The following ALK variants were observed in gnomAD, a reference collection of about 807,000 sequenced individuals.
ALK encodes the protein ALK receptor tyrosine kinase, also known as ALK tyrosine kinase receptor.
ALK carries 74 observed loss-of-function variants against 163.1 expected under a neutral mutation model. The ratio of observed to expected loss-of-function variants is 0.45; its 90% CI spans 0.38 to 0.55. ALK has a LOEUF of 0.55. Ranked by LOEUF, ALK falls within the 20% of genes least tolerant of loss-of-function variation. ALK has a pLI of 0.00. For synonymous variants in ALK, 960 were observed against 843.2 expected (o/e 1.14, Z -2.40); for missense variants, 2,063 against 2,105.3 (o/e 0.98, Z 0.39).
chr2:29,550,795 G>A (rs755102589), intron 3 of ALK, among the ~76,000 whole-genome samples: 1 of 152,060 alleles, frequency 6.6e-6, no homozygotes, highest in Non-Finnish European at 1.5e-5. Flanking sequence ...TTTATCTGTA[G>A]TCCTACCAAT....
At chr2:29,687,063 C>T (rs1275370109) in intron 3 of ALK, among the ~76,000 whole-genome samples, 1 of 152,038 alleles carries the variant, frequency 6.6e-6, no homozygotes, top group Non-Finnish European at 1.5e-5. Context: ...GAAGGCCACA[C>T]ATCCACCCAG....
chr2:29,259,878 A>AC (rs1268098190), intron 11 of ALK, among the ~76,000 whole-genome samples: 1 of 151,964 alleles, frequency 6.6e-6, no homozygotes, highest in Non-Finnish European at 1.5e-5. Flanking sequence ...TCTATGTTGG[A>AC]TCTTCATGTA....
At chr2:29,518,577 G>T (rs969325882) in intron 4 of ALK, among the ~76,000 whole-genome samples, 2 of 152,186 alleles carry the variant, frequency 1.3e-5, no homozygotes, top group African/African-American at 2.4e-5. Flanking sequence ...GCTAGCGAAA[G>T]GGTGAGCCAG....
chr2:29,881,108 A>G (rs915106611), intron 1 of ALK, among the ~76,000 whole-genome samples: 1 of 152,186 alleles, frequency 6.6e-6, no homozygotes. Flanking sequence ...AGCTCATGCT[A>G]GATGCACCTG....
At chr2:29,514,628 T>A (rs1333893887) in intron 4 of ALK, among the ~76,000 whole-genome samples, 1 of 152,170 alleles carries the variant, frequency 6.6e-6, no homozygotes, top group Non-Finnish European at 1.5e-5. Context: ...ACTCAACATC[T>A]CAAAACTGAA....
At chr2:29,555,158 T>C (rs1673815589) in intron 3 of ALK, among the ~76,000 whole-genome samples, 1 of 152,144 alleles carries the variant, frequency 6.6e-6, no homozygotes, top group African/African-American at 2.4e-5. Context: ...GAATTCTTCT[T>C]GTATGAGATC....
intron 4 of ALK, among the ~76,000 whole-genome samples, chr2:29,509,946 TAAG>T (rs1190271893): frequency 6.6e-6 from 1 of 152,166 alleles, no homozygotes; most frequent in South Asian, 2.1e-4. Context: ...TGGCACTTTG[TAAG>T]AAGAAGAATG....
At chr2:29,844,910 A>G (rs1665802702) in intron 1 of ALK, among the ~76,000 whole-genome samples, 1 of 151,328 alleles carries the variant, frequency 6.6e-6, no homozygotes, top group Admixed American at 6.6e-5. Context: ...CACACAGTAC[A>G]CACACTGCTC....
chr2:29,781,164 C>G (rs551356528), intron 1 of ALK, among the ~76,000 whole-genome samples: 1 of 152,164 alleles, frequency 6.6e-6, no homozygotes. Context: ...TAAAAGACAC[C>G]CACTTACTAT....
At chr2:29,581,933 G>T (rs753863407) in intron 3 of ALK, among the ~76,000 whole-genome samples, 1 of 152,226 alleles carries the variant, frequency 6.6e-6, no homozygotes, top group Non-Finnish European at 1.5e-5. Context: ...GGGCATGGGT[G>T]GTGCCTCTGC....
At chr2:29,896,144 G>A (rs1667263246) in intron 1 of ALK, among the ~76,000 whole-genome samples, 2 of 152,226 alleles carry the variant, frequency 1.3e-5, no homozygotes, top group African/African-American at 4.8e-5. Flanking sequence ...ACAAGCTCTT[G>A]GGGAGCACAA....
At chr2:29,242,960 G>A (rs1347870726) in intron 12 of ALK, among the ~76,000 whole-genome samples, 1 of 152,196 alleles carries the variant, frequency 6.6e-6, no homozygotes, top group Non-Finnish European at 1.5e-5. Flanking sequence ...CTGCCTACCT[G>A]AAATAATTGC....
chr2:29,479,189 G>A (rs550632544), intron 4 of ALK, among the ~76,000 whole-genome samples: 7 of 151,932 alleles, frequency 4.6e-5, no homozygotes, highest in Admixed American at 2.0e-4. Context: ...TGATGTCCCC[G>A]AAATGATGGC....
At chr2:29,551,271 G>A (rs1673707106) in intron 3 of ALK, among the ~76,000 whole-genome samples, 1 of 152,132 alleles carries the variant, frequency 6.6e-6, no homozygotes, top group South Asian at 2.1e-4. Context: ...GATTAGTTAT[G>A]TAAAGTATGG....
intron 3 of ALK, among the ~76,000 whole-genome samples, chr2:29,619,583 T>C (rs1351239874): frequency 6.6e-6 from 1 of 152,216 alleles, no homozygotes; most frequent in East Asian, 1.9e-4. Flanking sequence ...CAAGCAGCAC[T>C]GCCGGCCCTC....
chr2:29,311,998 C>T (rs1318591072), intron 8 of ALK, among the ~76,000 whole-genome samples: 6 of 151,886 alleles, frequency 4.0e-5, no homozygotes, highest in Non-Finnish European at 2.9e-5. Context: ...GCAGGGCCCC[C>T]TTGGCTGCTG....
At position 29,452,087 on chromosome 2, in the gene ALK, A is replaced by C. The variant is rs1670832766; in HGVS notation, c.1155-68228T>G. Among the ~76,000 whole-genome samples, 3 of 152,184 alleles carry C rather than the reference A, an allele frequency of 2.0e-5. No homozygotes were observed. In the South Asian group the frequency reaches 6.2e-4, roughly 32 times the overall value. ...GCACAGTTGAGAATATATTTAACGA[A>C]GGAGGTTGCACTGTGCTTCGAAAAC... On this transcript the variant is annotated intron_variant, in intron 4 of 28. Coordinates refer to ENST00000389048, the MANE Select transcript of ALK (RefSeq NM_004304.5).
intron 4 of ALK, among the ~76,000 whole-genome samples, chr2:29,415,182 A>C (rs1669840166): frequency 6.6e-6 from 1 of 150,654 alleles, no homozygotes; most frequent in South Asian, 2.2e-4. Context: ...ATGAGGGATA[A>C]TACATTAATA....
chr2:29,730,110 T>A (rs900681678), intron 1 of ALK, among the ~76,000 whole-genome samples: 2 of 152,176 alleles, frequency 1.3e-5, no homozygotes, highest in African/African-American at 4.8e-5. Context: ...CGGGATCCCC[T>A]CGCCCCTTGG....
Sources: allele counts gnomAD v4.1 joint callset (sites outside exome capture counted in the v4.1 genomes callset), GRCh38; gene constraint gnomAD v4.1.1; transcripts MANE v1.5; gene names NCBI Gene and HGNC (gene_info 2026-07-23, HGNC 2026-07-21).